The following GAREM1 variants were observed in gnomAD, a reference collection of about 807,000 sequenced individuals.
The protein encoded by GAREM1 is GRB2-associated and regulator of MAPK protein 1.
In GAREM1, 26 loss-of-function variants were observed where a neutral mutation model predicts 71.3. That is an observed-to-expected ratio of 0.36 (90% confidence interval 0.27 to 0.51). The LOEUF is 0.51. Ranked by LOEUF, GAREM1 falls within the 20% of genes least tolerant of loss-of-function variation. GAREM1 has a pLI of 0.95. For missense variants in GAREM1, 1,026 were observed against 1,103.1 expected (o/e 0.93, Z 0.99); for synonymous variants, 440 against 433.2 (o/e 1.02, Z -0.20).
chr18:32,468,960 T>TCCCCCCCCCCCCCCCCCCCCCCCCCCC (rs34977174), intron 1 of GAREM1, among the ~76,000 whole-genome samples: 1 of 82,164 alleles, frequency 1.2e-5, no homozygotes, highest in African/African-American at 4.9e-5. Flanking sequence ...CACCTGTGCG[T>TCCCCCCCCCCCCCCCCCCCCCCCCCCC]CCCCCCCCCC....
intron 2 of GAREM1, among the ~76,000 whole-genome samples, chr18:32,378,057 T>TGTGTGTGTGTGTGTGTGTGTGCGC (rs1293817110): frequency 2.4e-5 from 3 of 127,624 alleles, no homozygotes; most frequent in African/African-American, 9.0e-5. Context: ...TGTGTGTGTG[T>TGTGTGTGTGTGTGTGTGTGTGCGC]GCGCGCGGGC....
intron 4 of GAREM1, among the ~76,000 whole-genome samples, chr18:32,278,084 A>C (rs1423260621): frequency 6.6e-6 from 1 of 152,222 alleles, no homozygotes; most frequent in Non-Finnish European, 1.5e-5. Context: ...CTGTGGAGGA[A>C]ACAGAACTTT....
intron 3 of GAREM1, among the ~76,000 whole-genome samples, chr18:32,299,046 TTCAGAGGGCCCAAAACC>T (rs2047171129): frequency 6.6e-6 from 1 of 152,192 alleles, no homozygotes. Context: ...CTGGTAGTTT[TTCAGAGGGCCCAAAACC>T]TCAGATGACA....
chr18:32,281,607 T>C (rs1341018314), intron 4 of GAREM1, among the ~76,000 whole-genome samples: 1 of 152,248 alleles, frequency 6.6e-6, no homozygotes, highest in African/African-American at 2.4e-5. Context: ...GCTCCTTTTA[T>C]CATTTTCCTT....
intron 1 of GAREM1, among the ~76,000 whole-genome samples, chr18:32,455,884 C>T (rs1421981852): frequency 6.6e-6 from 1 of 152,014 alleles, no homozygotes; most frequent in South Asian, 2.1e-4. Context: ...TTTTCTACTA[C>T]TAAAAGAGCA....
intron 2 of GAREM1, among the ~76,000 whole-genome samples, chr18:32,364,007 TATATATATA>T (rs2047895577): frequency 1.2e-4 from 6 of 48,048 alleles, no homozygotes; most frequent in African/African-American, 4.0e-4. Context: ...TATATATATA[TATATATATA>T]TATATATATA....
chr18:32,451,908 GC>G (rs1219466348), intron 1 of GAREM1, among the ~76,000 whole-genome samples: 2 of 152,216 alleles, frequency 1.3e-5, no homozygotes, highest in Admixed American at 6.5e-5. Flanking sequence ...CAGTGACAGA[GC>G]CAGCTGCAGA....
chr18:32,287,488 T>C lies in GAREM1; in HGVS notation c.1109A>G (p.Asn370Ser), dbSNP rs2047035505. ...GRCSGHNHVPNSLSYARDELT... is the reference protein window; with the variant it reads ...GRCSGHNHVPSSLSYARDELT... Reference sequence around the variant, plus strand: ...CTCATCGCGGGCGTAGCTGAGCGAATTGGGCACGTGGTTGTGGCCAGAGCA... The same window carrying C: ...CTCATCGCGGGCGTAGCTGAGCGAACTGGGCACGTGGTTGTGGCCAGAGCA... Residue 370 changes from asparagine to serine, a missense_variant, in exon 4 of 6, where the codon AAT becomes AGT. Physicochemically the swap from Asn to Ser is conservative, Grantham distance 46. Coordinates refer to ENST00000269209, the MANE Select transcript of GAREM1 (RefSeq NM_001242409.2). This position sits in a 1 kb window ranked among gnomAD's most constrained non-coding sequence, Gnocchi z 5.9. 63 of 1,614,206 alleles carry C rather than the reference T, an allele frequency of 3.9e-5. No homozygotes were observed. The highest frequency in any genetic ancestry group is 6.6e-5 in the South Asian group (6 of 91,074).
At chr18:32,409,456 G>A (rs1599027324) in intron 1 of GAREM1, among the ~76,000 whole-genome samples, 1 of 152,010 alleles carries the variant, frequency 6.6e-6, no homozygotes, top group East Asian at 1.9e-4. Context: ...AGTTTACTGT[G>A]AAATCCCAGC....
chr18:32,364,353 T>C (rs1265576301), intron 2 of GAREM1, among the ~76,000 whole-genome samples: 4 of 151,684 alleles, frequency 2.6e-5, no homozygotes, highest in Non-Finnish European at 5.9e-5. Context: ...AATTTTAATA[T>C]CTTACCTCCA....
intron 2 of GAREM1, among the ~76,000 whole-genome samples, chr18:32,391,566 C>T (rs111921853): frequency 2.6e-4 from 40 of 152,146 alleles, no homozygotes; most frequent in Middle Eastern, 3.4e-3. Context: ...TCCAGTTTTC[C>T]ACAAAGACAG....
At chr18:32,387,177 A>T in intron 2 of GAREM1, among the ~76,000 whole-genome samples, 1 of 152,116 alleles carries the variant, frequency 6.6e-6, no homozygotes, top group South Asian at 2.1e-4. Flanking sequence ...AGACAAAAGG[A>T]ATTTGATGAA....
At chr18:32,398,848 G>A (rs1475898880) in intron 1 of GAREM1, among the ~76,000 whole-genome samples, 1 of 152,050 alleles carries the variant, frequency 6.6e-6, no homozygotes, top group East Asian at 1.9e-4. Context: ...ACCAAAGCCT[G>A]GCAGAGACAC....
rs188568343 is a variant in GAREM1, at chr18:32,352,594, A to C, written c.262+40301T>G. ...GTGGATGAGGGTAATGAATTGAGAT[A>C]AAGTGGAACAGAAAGAGGGGACAGG... On this transcript the variant is annotated intron_variant, in intron 2 of 5. Coordinates refer to ENST00000269209, the MANE Select transcript of GAREM1 (RefSeq NM_001242409.2). 1.1e-3 allele frequency among the ~76,000 whole-genome samples: 166 copies of C among 152,232 alleles called. 5 individuals carry two copies. The highest frequency in any genetic ancestry group is 0.011 in the Admixed American group (163 of 15,288).
In GAREM1 at chr18:32,441,049, T is replaced by C. The variant is rs112384211; in HGVS notation, c.121+29259A>G. 2.7e-3 allele frequency among the ~76,000 whole-genome samples: 411 copies of C among 152,272 alleles called. 1 individual carries two copies. Among genetic ancestry groups the C allele is most frequent in the Non-Finnish European group, 4.4e-3 (298 of 68,028 alleles). On this transcript the variant is annotated intron_variant, in intron 1 of 5. Transcript: ENST00000269209. ...AAAAAATAGTACCTCTTACAAGTGA[T>C]GCTTAAGATTTAATAAAATACAGAA...
At position 32,310,194 on chromosome 18, in the gene GAREM1, T is replaced by G; in HGVS notation, c.392A>C (p.Lys131Thr). 1 of 1,613,884 alleles carries G rather than the reference T, an allele frequency of 6.2e-7. No individual in the cohort carries two copies. Among genetic ancestry groups the G allele is most frequent in the Non-Finnish European group, 8.5e-7 (1 of 1,179,922 alleles). Residue 131 changes from lysine to threonine, a missense_variant and splice_region_variant, in exon 3 of 6, where the codon AAG becomes ACG. This residue lies in a region of GAREM1 where 172 missense variants were observed against 175.2 expected (regional missense o/e 0.98). Transcript: ENST00000269209. ...ATTTGGTGCTTCAAGAGCTACTACC[T>G]TCACGTTGAATGTGATATCCTCCAT... ...YVMEDITFNV[K>T]VASGECNEDT... is the part of the protein sequence containing the mutation.
chr18:32,403,938 T>C (rs778043706), intron 1 of GAREM1, among the ~76,000 whole-genome samples: 19 of 152,244 alleles, frequency 1.2e-4, no homozygotes, highest in Non-Finnish European at 2.4e-4. Flanking sequence ...TTTTTCCATT[T>C]TAAAACTGGT....
intron 1 of GAREM1, among the ~76,000 whole-genome samples, chr18:32,466,080 C>A (rs955500725): frequency 1.3e-5 from 2 of 152,078 alleles, no homozygotes; most frequent in Non-Finnish European, 2.9e-5. Context: ...CAGGTAATTT[C>A]CAATTCTTTG....
chr18:32,387,022 TC>T (rs1349094465), intron 2 of GAREM1, among the ~76,000 whole-genome samples: 2 of 12,280 alleles, frequency 1.6e-4, no homozygotes, highest in African/African-American at 2.1e-4. Context: ...GGGTTTATAT[TC>T]TTTTTTTTTT....
Sources: allele counts gnomAD v4.1 joint callset (sites outside exome capture counted in the v4.1 genomes callset), GRCh38; gene constraint gnomAD v4.1.1; regional missense constraint gnomAD v4.1.1; non-coding constraint Gnocchi (gnomAD v3.1); transcripts MANE v1.5; gene names NCBI Gene and HGNC (gene_info 2026-07-23, HGNC 2026-07-21).